The following PDIA3 variants were observed in gnomAD, a reference collection of about 807,000 sequenced individuals.
PDIA3 encodes protein disulfide isomerase family A member 3, also known as protein disulfide-isomerase A3.
A neutral mutation model predicts 56.9 loss-of-function variants in PDIA3; 16 were observed. The ratio of observed to expected loss-of-function variants is 0.28; its 90% CI spans 0.19 to 0.43. PDIA3 has a LOEUF of 0.43. Among genes scored for constraint, PDIA3 ranks in the 20% least tolerant of loss-of-function variants. PDIA3 has a pLI of 1.00. For synonymous variants in PDIA3, 192 were observed against 216.5 expected (o/e 0.89, Z 0.99); for missense variants, 485 against 621.3 (o/e 0.78, Z 2.33).
intron 2 of PDIA3, 145 bp downstream of exon 2, chr15:43,754,047 GAA>G (rs1487364871): frequency 4.7e-6 from 3 of 639,168 alleles, no homozygotes; most frequent in Non-Finnish European, 8.3e-6. Flanking sequence ...ATTCTGCTAA[GAA>G]GAGCGAATAC....
At chr15:43,760,296 C>T (rs1490582018) in intron 3 of PDIA3, among the ~76,000 whole-genome samples, 2 of 150,742 alleles carry the variant, frequency 1.3e-5, no homozygotes, top group African/African-American at 2.4e-5. Flanking sequence ...GAGACTGAGG[C>T]GAGAGGTCTG....
chr15:43,768,641 C>A, intron 9 of PDIA3, 44 bp downstream of exon 9: 1 of 1,279,456 alleles, frequency 7.8e-7, no homozygotes, highest in South Asian at 1.2e-5. Flanking sequence ...AATTGCCTGT[C>A]CTCATTTCTT....
Position 43,746,664 on chromosome 15 carries a change from C to G in PDIA3, c.125C>G (p.Thr42Arg). ...AACTTCGAGAGTCGCATCTCCGACA[C>G]GGGCTCTGCGGGCCTCATGCTCGTC... ...DDNFESRISDTGSAGLMLVEF... is the reference protein window; with the variant it reads ...DDNFESRISDRGSAGLMLVEF... The change falls in exon 1 of 13, where the codon ACG becomes AGG. Residue 42 changes from threonine to arginine, a missense_variant. By Grantham distance (71) the Thr-to-Arg change is moderately conservative (BLOSUM62 -1). Coordinates refer to ENST00000300289, the MANE Select transcript of PDIA3 (RefSeq NM_005313.5). 1 of 1,612,974 alleles carries G rather than the reference C, an allele frequency of 6.2e-7. No homozygotes were observed. Among genetic ancestry groups the G allele is most frequent in the Non-Finnish European group, 8.5e-7 (1 of 1,179,898 alleles).
chr15:43,766,842 T>C lies in PDIA3; in HGVS notation c.960T>C (p.Ala320=), dbSNP rs1454733487. The C allele has an allele frequency of 3.1e-6, 5 of 1,613,856 alleles. No individual in the cohort carries two copies. Among genetic ancestry groups the C allele is most frequent in the Non-Finnish European group, 4.2e-6 (5 of 1,179,806 alleles). ...CTGATTTTGGCTTGGAGAGCACTGC[T>C]GGAGAGATTCCTGTTGTTGCTATCA... ...ELSDFGLEST[A]GEIPVVAIRT... Residue 320 remains alanine, a synonymous_variant, in exon 8 of 13, where the codon GCT becomes GCC. Transcript: ENST00000300289.
Position 43,751,857 on chromosome 15 carries a change from G to A in PDIA3, c.168-1967G>A, listed in dbSNP as rs370693309. The stretch of plus-strand genomic sequence containing the variant: ...TGGCTTGACCTAGTAACTATTGTAT[G>A]TGATTTTTTTCTCTTAAAATGTTTG... On this transcript the variant is annotated intron_variant, in intron 1 of 12. Coordinates refer to ENST00000300289, the MANE Select transcript of PDIA3 (RefSeq NM_005313.5). 3.6e-5 allele frequency: 29 copies of A among 813,666 alleles called. No individual in the cohort carries two copies. In the East Asian group the frequency reaches 1.3e-3, roughly 36 times the overall value. 50.4% of individuals were successfully genotyped at this position (813,666 alleles called of 1,614,324 possible). A position where few individuals can be genotyped will look rare whatever the true frequency, so the allele number is the denominator to read the frequency against.
intron 10 of PDIA3, among the ~76,000 whole-genome samples, 167 bp from the exon 11 acceptor site, chr15:43,770,083 T>C (rs910448137): frequency 6.6e-6 from 1 of 152,208 alleles, no homozygotes; most frequent in Non-Finnish European, 1.5e-5. Context: ...TCTTCCCACA[T>C]GAACAGCAGT....
Position 43,771,861 on chromosome 15 carries a change from G to A in PDIA3, c.*643G>A, listed in dbSNP as rs1255400344. The A allele has an allele frequency of 2.7e-6, 1 of 373,540 alleles. No homozygotes were observed. The highest frequency in any genetic ancestry group is 4.8e-6 in the Non-Finnish European group (1 of 210,518). The allele number at this position is 373,540 out of a possible 1,614,324, so 23.1% of individuals were successfully genotyped here. ...GCCTACCCTGGTGATTAGAACAGCTGAAGGGCCTTTCTTGTTAGGCTGTCC... is the reference window on the plus strand; with the variant it reads ...GCCTACCCTGGTGATTAGAACAGCTAAAGGGCCTTTCTTGTTAGGCTGTCC... On this transcript the variant is annotated 3_prime_UTR_variant, in exon 13 of 13. Transcript: ENST00000300289.
chr15:43,763,292 A>C, intron 5 of PDIA3, 86 bp downstream of exon 5: 4 of 1,470,072 alleles, frequency 2.7e-6, no homozygotes, highest in Non-Finnish European at 3.7e-6. Context: ...TCACTCTGTC[A>C]CCCAGGCTGG....
intron 8 of PDIA3, among the ~76,000 whole-genome samples, chr15:43,768,026 C>A (rs927158901): frequency 2.6e-5 from 4 of 152,140 alleles, no homozygotes; most frequent in East Asian, 3.9e-4. Flanking sequence ...CCATTCCCCC[C>A]CCTCATCCCT....
intron 8 of PDIA3, among the ~76,000 whole-genome samples, chr15:43,767,531 A>G (rs939931829): frequency 5.9e-5 from 9 of 151,976 alleles, no homozygotes; most frequent in African/African-American, 2.2e-4. Flanking sequence ...TAATCCCAGC[A>G]CTTTGGGAGG....
intron 1 of PDIA3, among the ~76,000 whole-genome samples, chr15:43,750,611 TA>T (rs988544594): frequency 6.2e-4 from 94 of 150,736 alleles, no homozygotes; most frequent in Middle Eastern, 3.5e-3. Context: ...CCGTCTCTAC[TA>T]AAAATACAAA....
rs757052709 is a variant in PDIA3 at position 43,763,105 on chromosome 15, T to C, written c.501T>C (p.Ala167=). 1 of 1,614,144 alleles carries C rather than the reference T, an allele frequency of 6.2e-7. No homozygotes were observed. Among genetic ancestry groups the C allele is most frequent in the Non-Finnish European group, 8.5e-7 (1 of 1,179,960 alleles). ...VGFFDDSFSE[A]HSEFLKAASN... ...TTTTCGATGATTCATTCAGTGAGGCTCACTCCGAGTTCCTAAAAGCAGCCA... is the reference window on the plus strand; with the variant it reads ...TTTTCGATGATTCATTCAGTGAGGCCCACTCCGAGTTCCTAAAAGCAGCCA... Residue 167 remains alanine (A), a synonymous_variant, in exon 5 of 13, where the codon GCT becomes GCC. Transcript: ENST00000300289.
In PDIA3 at chr15:43,750,071, C is replaced by CTTGCTTTGA. The variant is rs1398292572; in HGVS notation, c.167+3372_167+3373insGATTGCTTT. On this transcript the variant is annotated intron_variant, in intron 1 of 12. Transcript: ENST00000300289. ...AAGTGAAAGGTGAAAGCTTGCTTTGCTTGCTTTTTTTTTTTTTGAGACAGT... is the reference window on the plus strand; with the variant it reads ...AAGTGAAAGGTGAAAGCTTGCTTTGCTTGCTTTGATTGCTTTTTTTTTTTTTGAGACAGT... Among the ~76,000 whole-genome samples the CTTGCTTTGA allele has an allele frequency of 2.1e-5, 3 of 144,750 alleles. No individual in the cohort carries two copies. In the South Asian group the frequency reaches 6.7e-4, roughly 32 times the overall value. 95.0% of individuals were successfully genotyped at this position (144,750 alleles called of 152,430 possible).
chr15:43,768,557 A>G lies in PDIA3; in HGVS notation c.1097A>G (p.Lys366Arg), dbSNP rs770483265. 6.2e-7 allele frequency: 1 copy of G among 1,613,764 alleles called. No homozygotes were observed. The highest frequency in any genetic ancestry group is 8.5e-7 in the Non-Finnish European group (1 of 1,179,662). ...GATGGCAATCTGAAGAGATACCTGAAGTCTGAACCTATCCCAGAGAGCAAT... is the reference window on the plus strand; with the variant it reads ...GATGGCAATCTGAAGAGATACCTGAGGTCTGAACCTATCCCAGAGAGCAAT... ...YFDGNLKRYL[K>R]SEPIPESNDG... is the part of the protein sequence containing the mutation. The change falls in exon 9 of 13, where the codon AAG becomes AGG. Residue 366 changes from lysine to arginine, a missense_variant. Coordinates refer to ENST00000300289, the MANE Select transcript of PDIA3 (RefSeq NM_005313.5).
chr15:43,765,366 G>A, intron 5 of PDIA3, 84 bp from the exon 6 acceptor site: 2 of 803,086 alleles, frequency 2.5e-6, no homozygotes, highest in Non-Finnish European at 4.3e-6. Context: ...GAGCAACAGA[G>A]CGAAACCCTA....
chr15:43,765,376 A>G, intron 5 of PDIA3, 74 bp from the exon 6 acceptor site: 2 of 853,264 alleles, frequency 2.3e-6, no homozygotes, highest in East Asian at 2.4e-5. Context: ...GCGAAACCCT[A>G]TCTCAAAAAA....
Position 43,771,160 on chromosome 15 carries a change from C to T in PDIA3, c.1460C>T (p.Pro487Leu). The change falls in exon 13 of 13, where the codon CCC (proline) becomes CTC (leucine). Residue 487 changes from proline to leucine, a missense_variant. By Grantham distance (98) the Pro-to-Leu change is moderately conservative (BLOSUM62 -3). Coordinates refer to ENST00000300289, the MANE Select transcript of PDIA3 (RefSeq NM_005313.5). Reference protein sequence around the residue: ...ISYLQREATNPPVIQEEKPKK... With the variant: ...ISYLQREATNLPVIQEEKPKK... Reference sequence around the variant, plus strand: ...TATCTACAAAGAGAAGCTACAAACCCCCCTGTAATTCAAGAAGAAAAACCC... The same window carrying T: ...TATCTACAAAGAGAAGCTACAAACCTCCCTGTAATTCAAGAAGAAAAACCC... 1 of 1,612,804 alleles carries T rather than the reference C, an allele frequency of 6.2e-7. No homozygotes were observed. Among genetic ancestry groups the T allele is most frequent in the Non-Finnish European group, 8.5e-7 (1 of 1,179,868 alleles).
chr15:43,771,624 T>C lies in PDIA3; in HGVS notation c.*406T>C. 2.4e-6 allele frequency: 1 copy of C among 411,888 alleles called. No homozygotes were observed. The highest frequency in any genetic ancestry group is 1.1e-4 in the South Asian group (1 of 9,244). The allele number at this position is 411,888 out of a possible 1,614,324, so 25.5% of individuals were successfully genotyped here. ...ATAGAGCTTTCTTCAGTGATGGAAATGCTCTGTAATCTACACTGTTCAGTA... is the reference window on the plus strand; with the variant it reads ...ATAGAGCTTTCTTCAGTGATGGAAACGCTCTGTAATCTACACTGTTCAGTA... On this transcript the variant is annotated 3_prime_UTR_variant, in exon 13 of 13. Coordinates refer to ENST00000300289, the MANE Select transcript of PDIA3 (RefSeq NM_005313.5).
rs1271076081 is a variant in PDIA3 at position 43,771,260 on chromosome 15, A to G, written c.*42A>G. On this transcript the variant is annotated 3_prime_UTR_variant, in exon 13 of 13. Coordinates refer to ENST00000300289, the MANE Select transcript of PDIA3 (RefSeq NM_005313.5). ...CACTTTGTAAAAGGACTCTTCCATC[A>G]GAGATGGGAAAACCATTGGGGAGGA... 1 of 1,291,944 alleles carries G rather than the reference A, an allele frequency of 7.7e-7. No individual in the cohort carries two copies. Among genetic ancestry groups the G allele is most frequent in the Non-Finnish European group, 1.1e-6 (1 of 896,346 alleles). 80.0% of individuals were successfully genotyped at this position (1,291,944 alleles called of 1,614,324 possible).
Sources: allele counts gnomAD v4.1 joint callset (sites outside exome capture counted in the v4.1 genomes callset), GRCh38; gene constraint gnomAD v4.1.1; transcripts MANE v1.5; gene names NCBI Gene and HGNC (gene_info 2026-07-23, HGNC 2026-07-21).